Variants in COL15A1 observed in about 807,000 individuals in gnomAD.
COL15A1 encodes the protein collagen type XV alpha 1 chain.
COL15A1 carries 111 observed loss-of-function variants against 165.9 expected under a neutral mutation model. The ratio of observed to expected loss-of-function variants is 0.67; its 90% CI spans 0.57 to 0.78. COL15A1 has a LOEUF of 0.78. Among genes scored for constraint, COL15A1 ranks in the 30% least tolerant of loss-of-function variants. COL15A1 has a pLI of 0.00. For synonymous variants in COL15A1, 659 were observed against 674.8 expected (o/e 0.98, Z 0.36); for missense variants, 1,745 against 1,789.7 (o/e 0.98, Z 0.45).
At chr9:99,049,215 G>C (rs10988690) in intron 28 of COL15A1, among the ~76,000 whole-genome samples, 13,971 of 152,200 alleles carry the variant, frequency 0.092, 872 homozygotes, top group East Asian at 0.21. Flanking sequence ...GAAAATGACT[G>C]TGCTATCTAA....
rs35544077 is a variant in COL15A1 at position 99,054,627 on chromosome 9, A to G, written c.3002A>G (p.Lys1001Arg). 13,552 of 1,613,292 alleles carry G rather than the reference A, an allele frequency of 8.4e-3. 132 individuals are homozygous for G. The highest frequency in any genetic ancestry group is 0.03 in the South Asian group (2,702 of 90,946). The change falls in exon 32 of 42, where the codon AAA (lysine) becomes AGA (arginine). Residue 1001 changes from lysine to arginine, a missense_variant. Transcript: ENST00000375001. ...SWGLPGSKGE[K>R]GDQGAQGPPG... ...GGTCTTCCTGGCTCAAAGGGAGAAA[A>G]AGGCGACCAGGGAGCCCAGGGACCA...
chr9:99,045,639 A>G (rs1362791137), intron 26 of COL15A1, among the ~76,000 whole-genome samples: 2 of 152,202 alleles, frequency 1.3e-5, no homozygotes, highest in African/African-American at 4.8e-5. Flanking sequence ...TGACTCTCAG[A>G]ATCCCCATTT....
intron 5 of COL15A1, among the ~76,000 whole-genome samples, chr9:98,990,877 T>TA (rs780212349): frequency 1.4e-4 from 21 of 152,214 alleles, no homozygotes; most frequent in Admixed American, 2.6e-4. Context: ...CGGTGAGTGT[T>TA]ACAGTTCTTA....
intron 2 of COL15A1, among the ~76,000 whole-genome samples, chr9:98,956,475 CTG>C (rs758340724): frequency 1.3e-5 from 2 of 152,214 alleles, no homozygotes; most frequent in African/African-American, 2.4e-5. Flanking sequence ...ATACACACAT[CTG>C]TGTGTGTATG....
chr9:99,054,013 G>A (rs887096567), intron 31 of COL15A1, among the ~76,000 whole-genome samples: 2 of 152,218 alleles, frequency 1.3e-5, no homozygotes, highest in South Asian at 2.1e-4. Flanking sequence ...GAAAGGTGGG[G>A]ATGGAATGCC....
At chr9:99,051,243 T>C (rs1839582052) in intron 30 of COL15A1, among the ~76,000 whole-genome samples, 1 of 151,932 alleles carries the variant, frequency 6.6e-6, no homozygotes, top group South Asian at 2.1e-4. Context: ...AATTTTAGAG[T>C]GCGGTAAAAA....
chr9:99,004,496 AGTG>A (rs1838722037), intron 8 of COL15A1, among the ~76,000 whole-genome samples: 2 of 152,292 alleles, frequency 1.3e-5, no homozygotes, highest in East Asian at 3.9e-4. Flanking sequence ...TGGGACAGGG[AGTG>A]GTCCACGAGG....
intron 27 of COL15A1, 43 bp downstream of exon 27, chr9:99,047,882 C>T (rs200622293): frequency 1.8e-4 from 292 of 1,609,322 alleles, no homozygotes; most frequent in Admixed American, 1.5e-3. Context: ...GGGGAGGACA[C>T]GTGGGCCAGG....
intron 2 of COL15A1, among the ~76,000 whole-genome samples, 200 bp from the exon 3 acceptor site, chr9:98,985,365 C>T (rs113240016): frequency 0.017 from 2,563 of 152,266 alleles, 55 homozygotes; most frequent in African/African-American, 0.057. Context: ...TCTGTCTACA[C>T]GTGTGTATAT....
intron 28 of COL15A1, among the ~76,000 whole-genome samples, chr9:99,049,121 C>T (rs1202910424): frequency 6.6e-6 from 1 of 152,212 alleles, no homozygotes; most frequent in African/African-American, 2.4e-5. Flanking sequence ...CCCTCAGAGC[C>T]TCACCTCTCC....
chr9:98,986,434 G>A (rs1838314961), intron 3 of COL15A1: 1 of 232,414 alleles, frequency 4.3e-6, no homozygotes, highest in Non-Finnish European at 8.4e-6. Context: ...CACTTTGTAC[G>A]TTTTAAGATT....
chr9:98,958,764 G>A (rs532015131), intron 2 of COL15A1, among the ~76,000 whole-genome samples: 207 of 152,200 alleles, frequency 1.4e-3, no homozygotes, highest in African/African-American at 4.7e-3. Context: ...AAGATGCCCC[G>A]CACTGGTTTA....
Position 99,056,303 on chromosome 9 carries a change from G to T in COL15A1, c.3236G>T (p.Gly1079Val). 2 of 1,614,146 alleles carry T rather than the reference G, an allele frequency of 1.2e-6. No individual in the cohort carries two copies. The highest frequency in any genetic ancestry group is 1.7e-6 in the Non-Finnish European group (2 of 1,180,020). Residue 1079 changes from glycine (G) to valine (V), a missense_variant, in exon 35 of 42, where the codon GGT (glycine) becomes GTT (valine). Gly to Val is a moderately radical substitution (Grantham distance 109, BLOSUM62 -3). Coordinates refer to ENST00000375001, the MANE Select transcript of COL15A1 (RefSeq NM_001855.5). ...ETVVGPQGPP[G>V]APGLPGPPGF... ...GTCGTTGGGCCCCAAGGACCCCCAG[G>T]TGCTCCTGGTCTGCCTGGGCCACCT... is the stretch of plus-strand genomic sequence containing the variant.
intron 26 of COL15A1, among the ~76,000 whole-genome samples, chr9:99,047,114 G>A (rs1588532360): frequency 6.6e-6 from 1 of 152,322 alleles, no homozygotes; most frequent in Admixed American, 6.5e-5. Context: ...CATCATCAGT[G>A]GTGTTGTCTG....
Position 98,944,268 on chromosome 9 carries a change from A to C in COL15A1, c.100+18A>C. The C allele has an allele frequency of 6.2e-7, 1 of 1,610,860 alleles. No homozygotes were observed. The highest frequency in any genetic ancestry group is 8.5e-7 in the Non-Finnish European group (1 of 1,178,668). On this transcript the variant is annotated intron_variant, in intron 2 of 41. Coordinates refer to ENST00000375001, the MANE Select transcript of COL15A1 (RefSeq NM_001855.5). ...TGCGACAGGTAAGCAACCCGGTCGG[A>C]GGGTGGCACCGGCTGCCTCCGCGCC... is the stretch of plus-strand genomic sequence containing the variant.
intron 38 of COL15A1, 138 bp from the exon 39 acceptor site, chr9:99,062,912 T>G (rs781237764): frequency 3.0e-5 from 30 of 1,001,322 alleles, no homozygotes; most frequent in Non-Finnish European, 4.1e-5. Context: ...CTCTTTACAG[T>G]TAAGAGTCAC....
chr9:99,004,322 C>T (rs1337556484), intron 8 of COL15A1, among the ~76,000 whole-genome samples: 1 of 152,076 alleles, frequency 6.6e-6, no homozygotes, highest in Non-Finnish European at 1.5e-5. Flanking sequence ...GCCAGCCTGC[C>T]CTGGGATGTG....
chr9:99,018,812 A>T (rs1838978064), intron 11 of COL15A1, among the ~76,000 whole-genome samples: 1 of 152,232 alleles, frequency 6.6e-6, no homozygotes, highest in Admixed American at 6.5e-5. Flanking sequence ...ACACATGCAA[A>T]AACACTAGAA....
At chr9:99,035,319 T>C in intron 18 of COL15A1, 31 bp from the exon 19 acceptor site, 1 of 1,614,148 alleles carries the variant, frequency 6.2e-7, no homozygotes, top group Non-Finnish European at 8.5e-7. Flanking sequence ...AGGAACTGGA[T>C]CTGAAATTCT....
Sources: gnomAD v4.1 joint callset for allele counts (sites outside exome capture counted in the v4.1 genomes callset) on GRCh38, gnomAD v4.1.1 for gene constraint, MANE v1.5 for transcripts, NCBI Gene and HGNC (gene_info 2026-07-23, HGNC 2026-07-21) for gene names.